PTPRC: variants seen among roughly 807,000 people sequenced by gnomAD.
PTPRC encodes the protein protein tyrosine phosphatase receptor type C.
In PTPRC, 44 loss-of-function variants were observed where a neutral mutation model predicts 155.9. The ratio of observed to expected loss-of-function variants is 0.28; its 90% CI spans 0.22 to 0.36. The LOEUF (loss-of-function observed/expected upper bound fraction) is 0.36. PTPRC is among the 10% of genes least tolerant of loss of function. The pLI is 1.00. For missense variants in PTPRC, 1,401 were observed against 1,564.6 expected, an observed-to-expected ratio of 0.90 and a Z score of 1.76; for synonymous variants, 525 against 533.1, an observed-to-expected ratio of 0.98 and a Z score of 0.21.
chr1:198,735,118 A>G lies in PTPRC; in HGVS notation c.2278-9A>G, dbSNP rs773828467. On this transcript the variant is annotated splice_polypyrimidine_tract_variant and intron_variant, in intron 22 of 32. Transcript: ENST00000442510. ...AAATTAAAATACTTAATAATTTTTT[A>G]AAATGTAGAACAAGTGTGCAGAATA... The G allele has an allele frequency of 9.5e-5, 150 of 1,580,434 alleles. No individual in the cohort carries two copies. Among genetic ancestry groups the G allele is most frequent in the Non-Finnish European group, 1.3e-4 (147 of 1,162,324 alleles).
Position 198,757,015 on chromosome 1 carries a change from A to G in PTPRC, c.*834A>G, listed in dbSNP as rs988949150. 1 of 151,956 alleles carries G rather than the reference A, an allele frequency of 6.6e-6. No homozygotes were observed. The highest frequency in any genetic ancestry group is 1.5e-5 in the Non-Finnish European group (1 of 67,862). 9.4% of individuals were successfully genotyped at this position (151,956 alleles called of 1,614,324 possible). ...TGTCATTAAAATAAATAAATGCAAT[A>G]TGTATTAATATTCATTGTATAAAAA... On this transcript the variant is annotated 3_prime_UTR_variant, in exon 33 of 33. Transcript: ENST00000442510.
At chr1:198,701,426 T>C (rs17623914) in intron 5 of PTPRC, among the ~76,000 whole-genome samples, 12,728 of 152,186 alleles carry the variant, frequency 0.084, 669 homozygotes, top group Middle Eastern at 0.14. Context: ...ACCCCAGGGA[T>C]CTTGACAGAA....
At chr1:198,742,825 A>C (rs1472927327) in intron 25 of PTPRC, among the ~76,000 whole-genome samples, 1 of 151,716 alleles carries the variant, frequency 6.6e-6, no homozygotes, top group East Asian at 1.9e-4. Flanking sequence ...ACCTCAGTTA[A>C]GTCATCTGTA....
chr1:198,666,674 TTACTC>T lies in PTPRC; in HGVS notation c.74-25669_74-25665del, dbSNP rs527430009. On this transcript the variant is annotated intron_variant, in intron 2 of 32. Coordinates refer to ENST00000442510, the MANE Select transcript of PTPRC (RefSeq NM_002838.5). ...TAGACACAGAAATTAAAGGCATAAA[TTACTC>T]TACAAGCAAAGCAATCTTAACATAA... is the stretch of plus-strand genomic sequence containing the variant. Among the ~76,000 whole-genome samples the T allele has an allele frequency of 8.8e-4, 134 of 152,272 alleles. 1 individual carries two copies. Among genetic ancestry groups the T allele is most frequent in the African/African-American group, 3.1e-3 (129 of 41,552 alleles).
intron 2 of PTPRC, among the ~76,000 whole-genome samples, chr1:198,685,803 C>T (rs1014166303): frequency 6.6e-6 from 1 of 152,006 alleles, no homozygotes; most frequent in Non-Finnish European, 1.5e-5. Flanking sequence ...TCTCAACCTT[C>T]AAAACATGCT....
At position 198,735,170 on chromosome 1, in the gene PTPRC, G is replaced by T. The variant is rs755859528; in HGVS notation, c.2321G>T (p.Arg774Leu). The T allele has an allele frequency of 6.2e-7, 1 of 1,603,728 alleles. No individual in the cohort carries two copies. Among genetic ancestry groups the T allele is most frequent in the East Asian group, 2.2e-5 (1 of 44,452 alleles). Residue 774 changes from arginine (R) to leucine (L), a missense_variant, in exon 23 of 33, where the codon CGG becomes CTG. Arg to Leu is a moderately radical substitution (Grantham distance 102). Around this residue, in one of 3 missense-constraint regions of PTPRC, gnomAD observed 867 missense variants for 970.4 expected, o/e 0.89. Coordinates refer to ENST00000442510, the MANE Select transcript of PTPRC (RefSeq NM_002838.5). ...TGGCCGTCAATGGAAGAGGGCACTC[G>T]GGCTTTTGGAGATGTTGTTGTAAAG... ...EYWPSMEEGTRAFGDVVVKIN... is the reference protein window; with the variant it reads ...EYWPSMEEGTLAFGDVVVKIN...
At chr1:198,673,263 C>T (rs1664748995) in intron 2 of PTPRC, among the ~76,000 whole-genome samples, 1 of 152,120 alleles carries the variant, frequency 6.6e-6, no homozygotes, top group Non-Finnish European at 1.5e-5. Context: ...ATTGCACTTA[C>T]TCATTGTAAT....
In PTPRC at chr1:198,756,230, C is replaced by T; in HGVS notation, c.*49C>T. The T allele has an allele frequency of 6.2e-7, 1 of 1,606,226 alleles. No individual in the cohort carries two copies. Among genetic ancestry groups the T allele is most frequent in the Non-Finnish European group, 8.5e-7 (1 of 1,174,898 alleles). On this transcript the variant is annotated 3_prime_UTR_variant, in exon 33 of 33. Transcript: ENST00000442510. ...CCAAACCTCCTGTTAGCTGTTATTTCTATTTTTGTAGAAGTAGGAAGTGAA... is the reference window on the plus strand; with the variant it reads ...CCAAACCTCCTGTTAGCTGTTATTTTTATTTTTGTAGAAGTAGGAAGTGAA...
chr1:198,699,317 T>C (rs1666351983), intron 4 of PTPRC, among the ~76,000 whole-genome samples: 1 of 152,218 alleles, frequency 6.6e-6, no homozygotes, highest in South Asian at 2.1e-4. Context: ...TAAAGCCACC[T>C]GGAAACACGA....
At chr1:198,666,840 C>A (rs185292755) in intron 2 of PTPRC, among the ~76,000 whole-genome samples, 334 of 152,176 alleles carry the variant, frequency 2.2e-3, no homozygotes, top group African/African-American at 7.5e-3. Context: ...CAGTCATGAC[C>A]TTGTAGATCA....
intron 14 of PTPRC, among the ~76,000 whole-genome samples, chr1:198,719,237 C>T (rs1327620966): frequency 6.6e-6 from 1 of 151,750 alleles, no homozygotes; most frequent in Non-Finnish European, 1.5e-5. Flanking sequence ...ACTGAATACG[C>T]CTTTCTTTTT....
At chr1:198,698,199 A>C (rs900298631) in intron 4 of PTPRC, among the ~76,000 whole-genome samples, 1 of 152,206 alleles carries the variant, frequency 6.6e-6, no homozygotes, top group Non-Finnish European at 1.5e-5. Context: ...AAAACCTAAA[A>C]CCACTTAAGC....
chr1:198,707,022 T>C, intron 9 of PTPRC, 70 bp downstream of exon 9: 2 of 1,292,324 alleles, frequency 1.5e-6, no homozygotes, highest in Non-Finnish European at 2.2e-6. Context: ...TGTTCTCCAG[T>C]GGTCACAGGA....
intron 27 of PTPRC, 107 bp from the exon 28 acceptor site, chr1:198,749,309 T>A (rs1312588869): frequency 8.7e-7 from 1 of 1,151,558 alleles, no homozygotes; most frequent in Non-Finnish European, 1.3e-6. Flanking sequence ...CAGTAAGTTT[T>A]CATAATACAA....
chr1:198,691,952 C>A (rs567776792), intron 2 of PTPRC, among the ~76,000 whole-genome samples: 1 of 151,914 alleles, frequency 6.6e-6, no homozygotes, highest in African/African-American at 2.4e-5. Context: ...ATATTATATC[C>A]CTAGCATGTG....
At chr1:198,752,452 C>G (rs1445885403) in intron 30 of PTPRC, 81 bp downstream of exon 30, 1 of 1,557,024 alleles carries the variant, frequency 6.4e-7, no homozygotes, top group East Asian at 2.3e-5. Flanking sequence ...TCTATGCAGG[C>G]AAGGCCATCA....
intron 3 of PTPRC, among the ~76,000 whole-genome samples, chr1:198,695,421 C>CAAAAAAAAAAAAA (rs11362541): frequency 8.1e-6 from 1 of 123,538 alleles, no homozygotes; most frequent in Non-Finnish European, 1.7e-5. Context: ...ATATGTTAAG[C>CAAAAAAAAAAAAA]AAAAAAAAAA....
rs201761527 is a variant in PTPRC at position 198,708,295 on chromosome 1, T to G, written c.1033+34T>G. The G allele has an allele frequency of 5.0e-4, 784 of 1,580,052 alleles. 1 individual carries two copies. Among genetic ancestry groups the G allele is most frequent in the African/African-American group, 2.8e-3 (211 of 74,248 alleles). On this transcript the variant is annotated intron_variant, in intron 10 of 32. Transcript: ENST00000442510. The stretch of plus-strand genomic sequence containing the variant: ...ATAACATTGACCAGAGAATTTTTTT[T>G]TGTGGCACAATGTTGTTCTAGATAT...
At chr1:198,698,208 G>A (rs1257870476) in intron 4 of PTPRC, among the ~76,000 whole-genome samples, 1 of 152,040 alleles carries the variant, frequency 6.6e-6, no homozygotes, top group Non-Finnish European at 1.5e-5. Context: ...AACCACTTAA[G>A]CCATAAATTT....
Sources: gnomAD v4.1 joint callset for allele counts (sites outside exome capture counted in the v4.1 genomes callset) on GRCh38, gnomAD v4.1.1 for gene constraint, gnomAD v4.1.1 regional missense constraint, MANE v1.5 for transcripts, NCBI Gene and HGNC (gene_info 2026-07-23, HGNC 2026-07-21) for gene names.